Variants in PLPP4 observed in about 807,000 individuals in gnomAD.
The protein encoded by PLPP4 is diacylglycerol pyrophosphate like 2.
Under a neutral mutation model 32.2 loss-of-function variants are expected in PLPP4, and 20 were observed. The ratio of observed to expected loss-of-function variants is 0.62; its 90% CI spans 0.44 to 0.90. PLPP4 has a LOEUF of 0.90. Among genes scored for constraint, PLPP4 ranks in the 40% least tolerant of loss-of-function variants. The pLI is 0.00. For synonymous variants in PLPP4, 127 were observed against 133.0 expected, an observed-to-expected ratio of 0.95 and a Z score of 0.31; for missense variants, 257 against 353.1, an observed-to-expected ratio of 0.73 and a Z score of 2.18.
intron 1 of PLPP4, among the ~76,000 whole-genome samples, chr10:120,483,810 A>G (rs1035643644): frequency 6.6e-6 from 1 of 152,160 alleles, no homozygotes; most frequent in East Asian, 1.9e-4. Context: ...TGGCCATGTG[A>G]TCTCTGCACG....
At chr10:120,574,129 TACACACACACACACACACAC>T (rs751622346) in intron 5 of PLPP4, among the ~76,000 whole-genome samples, 2 of 56,920 alleles carry the variant, frequency 3.5e-5, no homozygotes, top group African/African-American at 6.0e-5. Flanking sequence ...ATCTGGGGAG[TACACACACACACACACACAC>T]ACACACACAC....
chr10:120,539,044 G>A (rs932175582), intron 5 of PLPP4, among the ~76,000 whole-genome samples: 3 of 152,082 alleles, frequency 2.0e-5, no homozygotes, highest in Non-Finnish European at 2.9e-5. Flanking sequence ...CCCTTCTCCC[G>A]TATTTCCCAC....
At chr10:120,505,323 T>C (rs1480609044) in intron 2 of PLPP4, among the ~76,000 whole-genome samples, 17 of 152,342 alleles carry the variant, frequency 1.1e-4, no homozygotes, top group Admixed American at 3.9e-4. Context: ...CCCTGGAGAA[T>C]TGGAGGATTA....
chr10:120,483,959 G>A (rs986072180), intron 1 of PLPP4, among the ~76,000 whole-genome samples: 13 of 152,208 alleles, frequency 8.5e-5, no homozygotes, highest in Non-Finnish European at 1.5e-5. Context: ...CCAGTCTCAG[G>A]TATTTCTCTA....
chr10:120,564,460 T>C (rs982046919), intron 5 of PLPP4, among the ~76,000 whole-genome samples: 20 of 151,900 alleles, frequency 1.3e-4, no homozygotes, highest in African/African-American at 4.8e-4. Context: ...AAAGTTGTTA[T>C]ATGTCTATTA....
Position 120,469,267 on chromosome 10 carries a change from A to G in PLPP4, c.56+11906A>G, listed in dbSNP as rs10788094. 7.0e-4 allele frequency among the ~76,000 whole-genome samples: 11 copies of G among 15,804 alleles called. 3 individuals carry two copies. Among genetic ancestry groups the G allele is most frequent in the Admixed American group, 3.4e-3 (2 of 584 alleles). 10.4% of individuals were successfully genotyped at this position (15,804 alleles called of 152,430 possible). A position where few individuals can be genotyped will look rare whatever the true frequency, so the allele number is the denominator to read the frequency against. The stretch of plus-strand genomic sequence containing the variant: ...TTTTGAGACAGAGTCTTGCTCTGTC[A>G]CCCAGGCTGGAGTGCAGTGGCACCA... On this transcript the variant is annotated intron_variant, in intron 1 of 6. Coordinates refer to ENST00000398250, the MANE Select transcript of PLPP4 (RefSeq NM_001030059.3).
chr10:120,497,028 G>A (rs563771039), intron 1 of PLPP4, among the ~76,000 whole-genome samples: 1 of 152,012 alleles, frequency 6.6e-6, no homozygotes, highest in Non-Finnish European at 1.5e-5. Flanking sequence ...ATCCTCCTAG[G>A]GGGTAGGACC....
intron 5 of PLPP4, among the ~76,000 whole-genome samples, chr10:120,565,315 G>GGTGTGTGT (rs58655566): frequency 4.0e-4 from 57 of 142,714 alleles, no homozygotes; most frequent in Non-Finnish European, 5.0e-4. Flanking sequence ...TTGTTTGTGT[G>GGTGTGTGT]GTGTGTGTGT....
intron 4 of PLPP4, 92 bp downstream of exon 4, chr10:120,518,988 G>A: frequency 1.1e-6 from 1 of 890,954 alleles, no homozygotes. Flanking sequence ...GGACAGATTT[G>A]AGCTCATCTA....
chr10:120,510,975 C>T (rs887807909), intron 2 of PLPP4, among the ~76,000 whole-genome samples: 1 of 152,178 alleles, frequency 6.6e-6, no homozygotes, highest in Non-Finnish European at 1.5e-5. Context: ...GGGTGGGAAC[C>T]ATGGCATTTT....
At chr10:120,461,740 A>G (rs1848058998) in intron 1 of PLPP4, among the ~76,000 whole-genome samples, 1 of 152,218 alleles carries the variant, frequency 6.6e-6, no homozygotes, top group Non-Finnish European at 1.5e-5. Context: ...CTCCAATGCA[A>G]TTACTGGCTT....
At chr10:120,575,892 A>G (rs1224350456) in intron 6 of PLPP4, among the ~76,000 whole-genome samples, 16 of 152,222 alleles carry the variant, frequency 1.1e-4, no homozygotes, top group Admixed American at 8.5e-4. Context: ...AAACCATGCC[A>G]TGTCCTTCTG....
chr10:120,585,247 T>C (rs1348027869), intron 6 of PLPP4, among the ~76,000 whole-genome samples: 1 of 152,264 alleles, frequency 6.6e-6, no homozygotes, highest in Non-Finnish European at 1.5e-5. Flanking sequence ...AAGAGATTCT[T>C]CATTTAAGCA....
In PLPP4 at chr10:120,518,829, G is replaced by A. The variant is rs763618156; in HGVS notation, c.257-4G>A. 5 of 1,610,858 alleles carry A rather than the reference G, an allele frequency of 3.1e-6. No homozygotes were observed. The highest frequency in any genetic ancestry group is 4.2e-6 in the Non-Finnish European group (5 of 1,178,420). ...TTTTTCTGTCTGTTGGTTTTGTTTT[G>A]TAGCGGTGTCCTTGGCTCTTGCTTT... On this transcript the variant is annotated splice_polypyrimidine_tract_variant and splice_region_variant and intron_variant, in intron 3 of 6. Transcript: ENST00000398250.
At chr10:120,551,491 G>A (rs1215241299) in intron 5 of PLPP4, among the ~76,000 whole-genome samples, 4 of 150,934 alleles carry the variant, frequency 2.7e-5, no homozygotes, top group South Asian at 4.1e-4. Context: ...TAATCAATAG[G>A]AGAATGGATA....
chr10:120,511,594 T>TAA, intron 2 of PLPP4, among the ~76,000 whole-genome samples: 1 of 152,278 alleles, frequency 6.6e-6, no homozygotes, highest in Non-Finnish European at 1.5e-5. Context: ...ATGCAGTGCT[T>TAA]AAAGGGACAG....
chr10:120,477,603 C>A (rs1843999308), intron 1 of PLPP4, among the ~76,000 whole-genome samples: 1 of 152,142 alleles, frequency 6.6e-6, no homozygotes, highest in South Asian at 2.1e-4. Flanking sequence ...GAGTCAGGTT[C>A]TATATAAGAA....
chr10:120,505,185 A>G (rs115099939), intron 2 of PLPP4, among the ~76,000 whole-genome samples: 2,347 of 152,332 alleles, frequency 0.015, 59 homozygotes, highest in African/African-American at 0.053. Flanking sequence ...AACTTGCCCA[A>G]GGTCACACAG....
chr10:120,481,739 A>C (rs775008757), intron 1 of PLPP4, among the ~76,000 whole-genome samples: 2 of 152,178 alleles, frequency 1.3e-5, no homozygotes, highest in Non-Finnish European at 2.9e-5. Flanking sequence ...AGGGCATCTG[A>C]TGCTGAGATT....
Sources: allele counts gnomAD v4.1 joint callset (sites outside exome capture counted in the v4.1 genomes callset), GRCh38; gene constraint gnomAD v4.1.1; transcripts MANE v1.5; gene names NCBI Gene and HGNC (gene_info 2026-07-23, HGNC 2026-07-21).